PTPRT: variants seen among roughly 807,000 people sequenced by gnomAD.
The protein encoded by PTPRT is protein tyrosine phosphatase receptor type T, also known as receptor-type tyrosine-protein phosphatase T.
PTPRT carries 56 observed loss-of-function variants against 176.8 expected under a neutral mutation model. That is an observed-to-expected ratio of 0.32 (90% CI 0.26 to 0.40). The LOEUF is 0.40. PTPRT is among the 10% of genes least tolerant of loss of function. The pLI, the probability that PTPRT is intolerant of heterozygous loss-of-function variation, is 1.00. For missense variants in PTPRT, 1,540 were observed against 1,908.2 expected, an observed-to-expected ratio of 0.81 and a Z score of 3.60; for synonymous variants, 783 against 739.0, an observed-to-expected ratio of 1.06 and a Z score of -0.96.
chr20:42,426,335 C>T, intron 9 of PTPRT, among the ~76,000 whole-genome samples: 1 of 152,068 alleles, frequency 6.6e-6, no homozygotes, highest in East Asian at 1.9e-4. Context: ...ATCCAAACAT[C>T]AAGAGGAGTT....
intron 7 of PTPRT, among the ~76,000 whole-genome samples, chr20:42,483,391 T>C (rs2071418014): frequency 6.6e-6 from 1 of 152,334 alleles, no homozygotes; most frequent in East Asian, 1.9e-4. Flanking sequence ...CTCGAACTCC[T>C]GAACTCAAGT....
At chr20:42,721,619 G>A (rs1408125368) in intron 6 of PTPRT, among the ~76,000 whole-genome samples, 1 of 152,196 alleles carries the variant, frequency 6.6e-6, no homozygotes, top group East Asian at 1.9e-4. Context: ...GCAGTTTGGG[G>A]TGTGAATGGA....
At chr20:42,673,967 C>A (rs16987212) in intron 7 of PTPRT, among the ~76,000 whole-genome samples, 25,215 of 152,114 alleles carry the variant, frequency 0.17, 2,393 homozygotes, top group East Asian at 0.23. Context: ...GGAATCCTAA[C>A]CCAGCCTGTA....
intron 1 of PTPRT, among the ~76,000 whole-genome samples, chr20:42,974,883 A>G (rs577098735): frequency 2.0e-5 from 3 of 152,342 alleles, no homozygotes; most frequent in African/African-American, 7.2e-5. Flanking sequence ...TCAGAAATGT[A>G]CCAGTCACTT....
chr20:42,533,036 G>A (rs955441904), intron 7 of PTPRT, among the ~76,000 whole-genome samples: 11 of 152,122 alleles, frequency 7.2e-5, no homozygotes, highest in African/African-American at 1.9e-4. Flanking sequence ...TTGCCTGCTC[G>A]GAAAACAGCT....
chr20:42,752,416 T>C (rs1407174695), intron 6 of PTPRT, among the ~76,000 whole-genome samples: 1 of 152,126 alleles, frequency 6.6e-6, no homozygotes. Flanking sequence ...ATGTTCAAGG[T>C]CACAGAGTTG....
At chr20:42,270,453 G>A in intron 13 of PTPRT, 1 of 1,549,940 alleles carries the variant, frequency 6.5e-7, no homozygotes, top group African/African-American at 1.4e-5. Context: ...GCCCATTGGT[G>A]CTGACCACAA....
intron 16 of PTPRT, among the ~76,000 whole-genome samples, chr20:42,163,842 G>A (rs1419143038): frequency 2.6e-5 from 4 of 152,204 alleles, no homozygotes; most frequent in Admixed American, 1.3e-4. Flanking sequence ...CCTGCTGAAG[G>A]GTTTTAGGAG....
chr20:42,137,631 C>G (rs1261597215), intron 18 of PTPRT, among the ~76,000 whole-genome samples: 3 of 152,202 alleles, frequency 2.0e-5, no homozygotes, highest in African/African-American at 7.2e-5. Context: ...GCTCTCTCTT[C>G]TTGCCTGTGA....
chr20:43,072,665 C>T (rs1244439748), intron 1 of PTPRT, among the ~76,000 whole-genome samples: 4 of 152,198 alleles, frequency 2.6e-5, no homozygotes, highest in Admixed American at 6.5e-5. Flanking sequence ...TGATTTTAAA[C>T]TAAGTTCCGT....
chr20:43,183,823 T>C (rs1192885236), intron 1 of PTPRT, among the ~76,000 whole-genome samples: 1 of 152,270 alleles, frequency 6.6e-6, no homozygotes, highest in Non-Finnish European at 1.5e-5. Flanking sequence ...TTTAGCATAA[T>C]GTTCTCGAGG....
intron 2 of PTPRT, among the ~76,000 whole-genome samples, chr20:42,856,585 G>C (rs1188219642): frequency 6.6e-6 from 1 of 151,906 alleles, no homozygotes; most frequent in Non-Finnish European, 1.5e-5. Context: ...TCAGCTTCTC[G>C]ACAACACCCC....
intron 27 of PTPRT, among the ~76,000 whole-genome samples, chr20:42,092,958 T>C (rs1208019466): frequency 6.6e-6 from 1 of 152,218 alleles, no homozygotes; most frequent in African/African-American, 2.4e-5. Flanking sequence ...ACTCAGCTTT[T>C]ATGTAAGTTG....
At chr20:42,310,962 G>T (rs1055237762) in intron 12 of PTPRT, among the ~76,000 whole-genome samples, 2 of 152,152 alleles carry the variant, frequency 1.3e-5, no homozygotes, top group Non-Finnish European at 1.5e-5. Flanking sequence ...CTTGAACTCT[G>T]CATGGTGTTC....
chr20:42,108,541 G>A (rs1251582714), intron 23 of PTPRT, among the ~76,000 whole-genome samples: 1 of 152,178 alleles, frequency 6.6e-6, no homozygotes, highest in Non-Finnish European at 1.5e-5. Flanking sequence ...AAATTGCTTT[G>A]TGCCTGGATA....
chr20:43,143,755 G>GCAGA (rs1454996569), intron 1 of PTPRT, among the ~76,000 whole-genome samples: 2 of 152,178 alleles, frequency 1.3e-5, no homozygotes, highest in East Asian at 3.9e-4. Flanking sequence ...ACAGAAAGAG[G>GCAGA]CAGACAGACA....
intron 7 of PTPRT, among the ~76,000 whole-genome samples, chr20:42,483,018 T>C (rs2071412162): frequency 6.6e-6 from 1 of 152,102 alleles, no homozygotes; most frequent in Admixed American, 6.6e-5. Flanking sequence ...ATAATGCAAA[T>C]AAAAAGTGTT....
chr20:42,797,906 C>G (rs955130676), intron 2 of PTPRT, among the ~76,000 whole-genome samples: 5 of 152,156 alleles, frequency 3.3e-5, no homozygotes, highest in African/African-American at 1.2e-4. Flanking sequence ...AGAAAACAAA[C>G]TCTACCCTAG....
At chr20:43,120,816 C>T (rs2013232015) in intron 1 of PTPRT, among the ~76,000 whole-genome samples, 1 of 152,162 alleles carries the variant, frequency 6.6e-6, no homozygotes, top group Admixed American at 6.5e-5. Flanking sequence ...TCATGTTTTG[C>T]ATAGGTATTT....
Sources: allele counts gnomAD v4.1 joint callset (sites outside exome capture counted in the v4.1 genomes callset), GRCh38; gene constraint gnomAD v4.1.1; transcripts MANE v1.5; gene names NCBI Gene and HGNC (gene_info 2026-07-23, HGNC 2026-07-21).